Variants in MAN1A2 observed in about 807,000 individuals in gnomAD.
MAN1A2 encodes the protein mannosyl-oligosaccharide 1,2-alpha-mannosidase IB.
In MAN1A2, 26 loss-of-function variants were observed where a neutral mutation model predicts 75.7. The observed-to-expected ratio is 0.34, with a 90% confidence interval of 0.25 to 0.48. MAN1A2 has a LOEUF of 0.48. MAN1A2 is among the 20% of genes least tolerant of loss of function. The pLI is 0.99. For missense variants in MAN1A2, 562 were observed against 775.5 expected (o/e 0.72, Z 3.27); for synonymous variants, 247 against 264.6 (o/e 0.93, Z 0.65).
intron 12 of MAN1A2, among the ~76,000 whole-genome samples, chr1:117,517,194 C>T (rs770386695): frequency 6.6e-6 from 1 of 152,084 alleles, no homozygotes; most frequent in Non-Finnish European, 1.5e-5. Context: ...TAACTACATC[C>T]CTGAACAAAA....
intron 3 of MAN1A2, 138 bp from the exon 4 acceptor site, chr1:117,414,575 A>G (rs1438574971): frequency 2.0e-6 from 1 of 505,834 alleles, no homozygotes; most frequent in Non-Finnish European, 3.6e-6. Context: ...TTTAGTCCTT[A>G]TACTCTTACT....
intron 12 of MAN1A2, among the ~76,000 whole-genome samples, chr1:117,510,400 T>A (rs1421993446): frequency 6.6e-6 from 1 of 152,048 alleles, no homozygotes; most frequent in Non-Finnish European, 1.5e-5. Context: ...CACTACCTGA[T>A]AATGTGTAGT....
intron 1 of MAN1A2, among the ~76,000 whole-genome samples, chr1:117,388,650 T>A (rs1254045197): frequency 6.6e-6 from 1 of 152,036 alleles, no homozygotes; most frequent in Non-Finnish European, 1.5e-5. Flanking sequence ...CCATGAGGGA[T>A]CCATCTCATG....
At chr1:117,503,209 A>G (rs1285106114) in intron 12 of MAN1A2, among the ~76,000 whole-genome samples, 1 of 151,540 alleles carries the variant, frequency 6.6e-6, no homozygotes, top group Non-Finnish European at 1.5e-5. Context: ...TTGCTCTTTA[A>G]TGTGCATTAA....
rs144967664 is a variant in MAN1A2 at position 117,402,070 on chromosome 1, G to A, written c.303-116G>A. ...CACTGATAATTCTTTCCTTTTAATG[G>A]CAAAAGTAGAAAACAAGTTCCTGGG... On this transcript the variant is annotated intron_variant, in intron 1 of 12. Coordinates refer to ENST00000356554, the MANE Select transcript of MAN1A2 (RefSeq NM_006699.5). The A allele has an allele frequency of 1.5e-5, 16 of 1,057,894 alleles. No homozygotes were observed. In the African/African-American group the frequency reaches 2.6e-4, roughly 17 times the overall value. The allele number at this position is 1,057,894 out of a possible 1,614,324, so 65.5% of individuals were successfully genotyped here. A position where few individuals can be genotyped will look rare whatever the true frequency, so the allele number is the denominator to read the frequency against.
At chr1:117,483,962 C>T (rs1181670036) in intron 8 of MAN1A2, among the ~76,000 whole-genome samples, 1 of 151,706 alleles carries the variant, frequency 6.6e-6, no homozygotes, top group Non-Finnish European at 1.5e-5. Flanking sequence ...AGGGATTTTG[C>T]ATCAACTTTT....
At chr1:117,438,791 T>C (rs1038540757) in intron 5 of MAN1A2, among the ~76,000 whole-genome samples, 15 of 152,304 alleles carry the variant, frequency 9.8e-5, no homozygotes, top group African/African-American at 2.9e-4. Context: ...ATAACCTAGA[T>C]GTGTGGTAGG....
At chr1:117,435,568 T>G (rs532808429) in intron 5 of MAN1A2, among the ~76,000 whole-genome samples, 2 of 152,292 alleles carry the variant, frequency 1.3e-5, no homozygotes, top group East Asian at 3.9e-4. Context: ...AAGTTACTTG[T>G]GTTATTATGT....
chr1:117,517,048 A>G (rs979720687), intron 12 of MAN1A2, among the ~76,000 whole-genome samples: 3 of 152,094 alleles, frequency 2.0e-5, no homozygotes, highest in Admixed American at 1.3e-4. Flanking sequence ...GTAAAAATTC[A>G]TATTCAAGTG....
rs1652061599 is a variant in MAN1A2 at position 117,527,543 on chromosome 1, C to T, written c.*4586C>T. 1 of 151,942 alleles carries T rather than the reference C, an allele frequency of 6.6e-6. No homozygotes were observed. The highest frequency in any genetic ancestry group is 1.5e-5 in the Non-Finnish European group (1 of 67,928). The allele number at this position is 151,942 out of a possible 1,614,324, so 9.4% of individuals were successfully genotyped here. A position where few individuals can be genotyped will look rare whatever the true frequency, so the allele number is the denominator to read the frequency against. On this transcript the variant is annotated 3_prime_UTR_variant, in exon 13 of 13. Coordinates refer to ENST00000356554, the MANE Select transcript of MAN1A2 (RefSeq NM_006699.5). ...TGTCTTGAAAGCAGATACACTCTTC[C>T]TGGAGTCTGTTCAGGTTTCAGGACG...
intron 4 of MAN1A2, among the ~76,000 whole-genome samples, chr1:117,419,034 A>G (rs1379983506): frequency 6.6e-6 from 1 of 152,144 alleles, no homozygotes; most frequent in East Asian, 1.9e-4. Context: ...TGTAAAGCTG[A>G]CATAGGAGTC....
chr1:117,406,944 C>T (rs183559985), intron 3 of MAN1A2, among the ~76,000 whole-genome samples: 154 of 151,772 alleles, frequency 1.0e-3, no homozygotes, highest in Admixed American at 1.5e-3. Flanking sequence ...TTTTTTCAAA[C>T]GATATTTCTC....
In MAN1A2 at chr1:117,493,518, C is replaced by T. The variant is rs191043298; in HGVS notation, c.1284+256C>T. 630 of 262,884 alleles carry T rather than the reference C, an allele frequency of 2.4e-3. 7 individuals are homozygous for T. The highest frequency in any genetic ancestry group is 0.014 in the African/African-American group (588 of 43,532). The allele number at this position is 262,884 out of a possible 1,614,324, so 16.3% of individuals were successfully genotyped here. A position where few individuals can be genotyped will look rare whatever the true frequency, so the allele number is the denominator to read the frequency against. On this transcript the variant is annotated intron_variant, in intron 9 of 12. Transcript: ENST00000356554. ...ATTGTAGTCCAGGTGCAGTGGCTCA[C>T]GCCTGTAATCTCAGCACTTTGGGAG...
chr1:117,436,867 T>C (rs374982301), intron 5 of MAN1A2, among the ~76,000 whole-genome samples: 1 of 152,228 alleles, frequency 6.6e-6, no homozygotes, highest in East Asian at 1.9e-4. Context: ...CCAGTAGTCT[T>C]GTGTCTTCTG....
At chr1:117,462,877 C>T (rs929995884) in intron 7 of MAN1A2, among the ~76,000 whole-genome samples, 2 of 152,012 alleles carry the variant, frequency 1.3e-5, no homozygotes, top group Non-Finnish European at 1.5e-5. Context: ...ACTACAGATA[C>T]ATCTGGGATA....
At chr1:117,496,115 A>G (rs1651029464) in intron 9 of MAN1A2, among the ~76,000 whole-genome samples, 1 of 60,648 alleles carries the variant, frequency 1.6e-5, no homozygotes, top group Admixed American at 2.2e-4. Context: ...AACAACTGAC[A>G]GTAAAAATAC....
At chr1:117,470,466 C>T (rs1294641016) in intron 8 of MAN1A2, among the ~76,000 whole-genome samples, 1 of 151,990 alleles carries the variant, frequency 6.6e-6, no homozygotes, top group Non-Finnish European at 1.5e-5. Flanking sequence ...GTTAAAATGG[C>T]AACTTTTGTG....
intron 1 of MAN1A2, among the ~76,000 whole-genome samples, chr1:117,374,193 A>C (rs1040047443): frequency 2.0e-5 from 3 of 152,058 alleles, no homozygotes; most frequent in Admixed American, 6.6e-5. Flanking sequence ...CTGTAGTCGG[A>C]GGCTGAGGTG....
At chr1:117,458,497 C>T (rs6690876) in intron 6 of MAN1A2, among the ~76,000 whole-genome samples, 1 of 103,818 alleles carries the variant, frequency 9.6e-6, no homozygotes, top group African/African-American at 3.3e-5. Flanking sequence ...ATATATATAT[C>T]TATATATATA....
Sources: allele counts gnomAD v4.1 joint callset (sites outside exome capture counted in the v4.1 genomes callset), GRCh38; gene constraint gnomAD v4.1.1; transcripts MANE v1.5; gene names NCBI Gene and HGNC (gene_info 2026-07-23, HGNC 2026-07-21).